Variants in STAG1 observed in about 807,000 individuals in gnomAD.
The protein encoded by STAG1 is cohesin subunit SA-1.
In STAG1, 26 loss-of-function variants were observed where a neutral mutation model predicts 170.9. That is an observed-to-expected ratio of 0.15 (90% CI 0.11 to 0.21). The LOEUF is 0.21. STAG1 is among the 10% of genes least tolerant of loss of function. The probability of loss-of-function intolerance (pLI) is 1.00; values close to 1 mark genes in which losing one functional copy is unlikely to be tolerated. For missense variants in STAG1, 964 were observed against 1,509.5 expected, an observed-to-expected ratio of 0.64 and a Z score of 5.99; for synonymous variants, 514 against 497.7, an observed-to-expected ratio of 1.03 and a Z score of -0.44.
intron 15 of STAG1, among the ~76,000 whole-genome samples, chr3:136,437,227 T>G (rs1025188076): frequency 1.3e-5 from 2 of 152,242 alleles, no homozygotes; most frequent in Non-Finnish European, 2.9e-5. Context: ...TAACTCAACC[T>G]TGCACAGTGT....
At chr3:136,713,578 A>G (rs1009370576) in intron 1 of STAG1, among the ~76,000 whole-genome samples, 3 of 141,770 alleles carry the variant, frequency 2.1e-5, no homozygotes, top group Non-Finnish European at 4.7e-5. Flanking sequence ...GCGAAACTCC[A>G]CCTCAAAAAA....
At chr3:136,638,764 T>C (rs1020931731) in intron 1 of STAG1, among the ~76,000 whole-genome samples, 6 of 151,956 alleles carry the variant, frequency 3.9e-5, no homozygotes, top group African/African-American at 1.4e-4. Flanking sequence ...TAACTGGGCA[T>C]GGTAGCATGC....
intron 13 of STAG1, among the ~76,000 whole-genome samples, chr3:136,463,857 ATATT>A (rs1231819676): frequency 2.0e-5 from 3 of 146,356 alleles, no homozygotes; most frequent in South Asian, 2.1e-4. Context: ...ATATAAATAT[ATATT>A]TATATATACA....
chr3:136,589,974 A>G lies in STAG1; in HGVS notation c.297+14335T>C, dbSNP rs559084958. On this transcript the variant is annotated intron_variant, in intron 4 of 33. Coordinates refer to ENST00000383202, the MANE Select transcript of STAG1 (RefSeq NM_005862.3). ...TACATAATAAATAAAAATACAAAAA[A>G]TAGCCAGGCCTGGTGGCACACACCT... is the stretch of plus-strand genomic sequence containing the variant. 1.3e-4 allele frequency among the ~76,000 whole-genome samples: 20 copies of G among 151,712 alleles called. No homozygotes were observed. The South Asian group carries it at 4.0e-3, about 30-fold the overall frequency.
At chr3:136,562,858 G>T (rs934415199) in intron 5 of STAG1, among the ~76,000 whole-genome samples, 6 of 152,184 alleles carry the variant, frequency 3.9e-5, no homozygotes, top group African/African-American at 1.4e-4. Context: ...AAAGTGCTGG[G>T]ATTACAGGTG....
chr3:136,609,368 TA>T (rs1448601736), intron 3 of STAG1: 10 of 146,526 alleles, frequency 6.8e-5, no homozygotes, highest in Non-Finnish European at 1.3e-4. Flanking sequence ...TATTTGTATA[TA>T]AATATATATT....
At chr3:136,426,263 A>C (rs2088120921) in intron 16 of STAG1, among the ~76,000 whole-genome samples, 1 of 152,018 alleles carries the variant, frequency 6.6e-6, no homozygotes, top group African/African-American at 2.4e-5. Context: ...AAAAAAAATT[A>C]GCTGCGTGAG....
intron 20 of STAG1, 33 bp from the exon 21 acceptor site, chr3:136,418,005 T>C (rs1001306998): frequency 4.6e-6 from 7 of 1,510,548 alleles, no homozygotes; most frequent in Admixed American, 1.7e-5. Flanking sequence ...TGTTTTATTC[T>C]AGAATGGAAG....
chr3:136,499,438 A>G (rs1262057784), intron 9 of STAG1, among the ~76,000 whole-genome samples: 2 of 152,190 alleles, frequency 1.3e-5, no homozygotes, highest in Non-Finnish European at 2.9e-5. Context: ...TTAGGATTAC[A>G]GGGATGAGCG....
intron 4 of STAG1, among the ~76,000 whole-genome samples, chr3:136,583,470 A>G (rs1237987420): frequency 1.3e-5 from 2 of 152,132 alleles, no homozygotes; most frequent in East Asian, 1.9e-4. Flanking sequence ...TACTGACATA[A>G]ATCAGCCTCA....
At chr3:136,701,614 C>T (rs1943064891) in intron 1 of STAG1, among the ~76,000 whole-genome samples, 1 of 152,160 alleles carries the variant, frequency 6.6e-6, no homozygotes, top group Admixed American at 6.5e-5. Context: ...TTGAATCTCT[C>T]TGAGCATCAA....
rs570087460 is a variant in STAG1, at chr3:136,694,354, G to A, written c.-84+57841C>T. 3.3e-5 allele frequency among the ~76,000 whole-genome samples: 5 copies of A among 152,206 alleles called. No individual in the cohort carries two copies. The South Asian group carries it at 1.0e-3, about 32-fold the overall frequency. On this transcript the variant is annotated intron_variant, in intron 1 of 33. Coordinates refer to ENST00000383202, the MANE Select transcript of STAG1 (RefSeq NM_005862.3). ...AAAGTGGCTGGGTGCAATAACTCAT[G>A]CCTGTAATCTCAACATTCTGGAAGG...
intron 1 of STAG1, among the ~76,000 whole-genome samples, chr3:136,640,982 A>G (rs962947837): frequency 6.6e-6 from 1 of 152,202 alleles, no homozygotes; most frequent in Admixed American, 6.5e-5. Flanking sequence ...GCCCCATTAA[A>G]TAACATTTTA....
intron 1 of STAG1, among the ~76,000 whole-genome samples, chr3:136,702,212 A>G (rs1369887318): frequency 6.6e-6 from 1 of 152,080 alleles, no homozygotes. Flanking sequence ...TGTTCAGCCC[A>G]GGCTGGTCTT....
chr3:136,689,668 C>CCAA (rs111622690), intron 1 of STAG1, among the ~76,000 whole-genome samples: 177 of 152,232 alleles, frequency 1.2e-3, no homozygotes, highest in African/African-American at 2.5e-3. Context: ...TTCAGTGGGA[C>CCAA]GACAGAGATC....
intron 3 of STAG1, among the ~76,000 whole-genome samples, chr3:136,622,513 T>G (rs1939912933): frequency 6.6e-6 from 1 of 152,176 alleles, no homozygotes; most frequent in Non-Finnish European, 1.5e-5. Flanking sequence ...GGGTTCATTA[T>G]ATGATGTCTC....
intron 1 of STAG1, among the ~76,000 whole-genome samples, chr3:136,711,846 C>A (rs945647391): frequency 6.6e-6 from 1 of 151,942 alleles, no homozygotes; most frequent in African/African-American, 2.4e-5. Context: ...ACACAAAAAT[C>A]TATTCCAGGT....
chr3:136,421,145 C>T lies in STAG1; in HGVS notation c.2056G>A (p.Asp686Asn). 6.2e-7 allele frequency: 1 copy of T among 1,608,250 alleles called. No homozygotes were observed. Reference sequence around the variant, plus strand: ...GTAGAAAGAACATTGTAAATGTCATCATCATCAGCTTCTTCTCCCTATAAA... The same window carrying T: ...GTAGAAAGAACATTGTAAATGTCATTATCATCAGCTTCTTCTCCCTATAAA... ...LLQEGEEADD[D>N]DIYNVLSTLK... Residue 686 changes from aspartate to asparagine, a missense_variant, in exon 20 of 34, where the codon GAT becomes AAT. This residue lies in a region of STAG1 where 232 missense variants were observed against 313.0 expected (regional missense o/e 0.74). Coordinates refer to ENST00000383202, the MANE Select transcript of STAG1 (RefSeq NM_005862.3).
chr3:136,666,066 C>A (rs1941753753), intron 1 of STAG1, among the ~76,000 whole-genome samples: 1 of 84,466 alleles, frequency 1.2e-5, no homozygotes, highest in African/African-American at 4.4e-5. Context: ...TAGAGTGAGA[C>A]TCCATCTCAA....
Sources: allele counts gnomAD v4.1 joint callset (sites outside exome capture counted in the v4.1 genomes callset), GRCh38; gene constraint gnomAD v4.1.1; regional missense constraint gnomAD v4.1.1; transcripts MANE v1.5; gene names NCBI Gene and HGNC (gene_info 2026-07-23, HGNC 2026-07-21).